THEMIS: variants seen among roughly 807,000 people sequenced by gnomAD.
THEMIS encodes protein THEMIS.
THEMIS carries 37 observed loss-of-function variants against 52.6 expected under a neutral mutation model. That is an observed-to-expected ratio of 0.70 (90% CI 0.54 to 0.93). THEMIS has a LOEUF of 0.93. Ranked by LOEUF, THEMIS falls within the 40% of genes least tolerant of loss-of-function variation. The pLI, the probability that THEMIS is intolerant of heterozygous loss-of-function variation, is 0.00. For synonymous variants in THEMIS, 292 were observed against 272.7 expected, an observed-to-expected ratio of 1.07 and a Z score of -0.70; for missense variants, 808 against 763.1, an observed-to-expected ratio of 1.06 and a Z score of -0.69.
intron 4 of THEMIS, among the ~76,000 whole-genome samples, chr6:127,805,362 G>A (rs1777665773): frequency 6.6e-6 from 1 of 152,028 alleles, no homozygotes; most frequent in African/African-American, 2.4e-5. Flanking sequence ...GTTAGATTCT[G>A]GACAAAGTGT....
chr6:127,893,864 C>T (rs909098489), intron 1 of THEMIS, among the ~76,000 whole-genome samples: 1 of 151,158 alleles, frequency 6.6e-6, no homozygotes, highest in African/African-American at 2.4e-5. Flanking sequence ...CCACATAAAA[C>T]AAAAAATAGA....
chr6:127,776,657 A>G (rs1042337255), intron 4 of THEMIS, among the ~76,000 whole-genome samples: 4 of 152,222 alleles, frequency 2.6e-5, no homozygotes, highest in Admixed American at 2.6e-4. Flanking sequence ...ACTCACAGAA[A>G]CTGTGCCATA....
intron 1 of THEMIS, among the ~76,000 whole-genome samples, chr6:127,897,732 G>T (rs1462876082): frequency 6.6e-6 from 1 of 151,434 alleles, no homozygotes; most frequent in Non-Finnish European, 1.5e-5. Flanking sequence ...CTTTTCATTA[G>T]CTTCCAAGGG....
At chr6:127,793,204 A>C (rs1381616743) in intron 4 of THEMIS, among the ~76,000 whole-genome samples, 6 of 152,206 alleles carry the variant, frequency 3.9e-5, no homozygotes, top group Admixed American at 6.5e-5. Flanking sequence ...ACAAGCAGAC[A>C]ATGGGTCCCA....
downstream of THEMIS, among the ~76,000 whole-genome samples, chr6:127,707,738 A>G (rs759495149): frequency 4.3e-4 from 65 of 152,112 alleles, no homozygotes; most frequent in Admixed American, 3.1e-3. Context: ...AGGCAACTTG[A>G]ACCAAGAACC....
intron 4 of THEMIS, among the ~76,000 whole-genome samples, chr6:127,780,432 G>A (rs1776705171): frequency 6.6e-6 from 1 of 152,194 alleles, no homozygotes; most frequent in Non-Finnish European, 1.5e-5. Flanking sequence ...ATTAGATCCT[G>A]TAATTATGAT....
chr6:127,882,363 C>T (rs146613409), intron 1 of THEMIS, among the ~76,000 whole-genome samples: 1 of 151,762 alleles, frequency 6.6e-6, no homozygotes, highest in East Asian at 1.9e-4. Flanking sequence ...ATTTTAGTGC[C>T]CAACCATATA....
intron 2 of THEMIS, among the ~76,000 whole-genome samples, chr6:127,840,353 A>C (rs1779004710): frequency 6.6e-6 from 1 of 152,134 alleles, no homozygotes; most frequent in South Asian, 2.1e-4. Context: ...TGCCTTGAAG[A>C]ATATTTAATG....
chr6:127,828,736 G>A (rs1182156606), intron 3 of THEMIS, among the ~76,000 whole-genome samples: 9 of 152,110 alleles, frequency 5.9e-5, no homozygotes, highest in African/African-American at 2.2e-4. Context: ...GGCCGATCAC[G>A]AGGTCAAGAG....
At chr6:127,730,435 G>A (rs1312893099) in intron 4 of THEMIS, among the ~76,000 whole-genome samples, 1 of 137,184 alleles carries the variant, frequency 7.3e-6, no homozygotes, top group Non-Finnish European at 1.5e-5. Flanking sequence ...GAGGGAGGCA[G>A]GAAGAGAACA....
At chr6:127,901,081 T>C, upstream of THEMIS, 1 of 662,160 alleles carries the variant, frequency 1.5e-6, no homozygotes. Flanking sequence ...GTGGAGTAGC[T>C]CTATGTGGGG....
At chr6:127,902,324 C>CAAAAAAAA (rs35320887), upstream of THEMIS, among the ~76,000 whole-genome samples, 42 of 109,582 alleles carry the variant, frequency 3.8e-4, no homozygotes, top group Middle Eastern at 5.4e-3. Flanking sequence ...GACTCTGTCT[C>CAAAAAAAA]AAAAAAAAAA....
Position 127,813,793 on chromosome 6 carries a change from A to G in THEMIS, c.848T>C (p.Ile283Thr), listed in dbSNP as rs1444953923. ...AGGTGCTTCTATGACTTCAGTCACT[A>G]TGGGGAACTCTTTACTAGTCATTTC... The part of the protein sequence containing the change: ...LFEMTSKEFP[I>T]VTEVIEAPEG... Residue 283 changes from isoleucine to threonine, a missense_variant, in exon 4 of 6, where the codon ATA becomes ACA. Coordinates refer to ENST00000368248, the MANE Select transcript of THEMIS (RefSeq NM_001010923.3). 7 of 1,614,034 alleles carry G rather than the reference A, an allele frequency of 4.3e-6. No homozygotes were observed. The highest frequency in any genetic ancestry group is 2.2e-5 in the South Asian group (2 of 91,066).
intron 4 of THEMIS, among the ~76,000 whole-genome samples, chr6:127,740,668 T>C (rs963379602): frequency 6.6e-6 from 1 of 152,158 alleles, no homozygotes; most frequent in Non-Finnish European, 1.5e-5. Flanking sequence ...ATAAAGCTAG[T>C]ATGTGCTTAC....
intron 4 of THEMIS, among the ~76,000 whole-genome samples, chr6:127,730,868 G>A (rs759672238): frequency 2.0e-5 from 3 of 152,204 alleles, no homozygotes; most frequent in Non-Finnish European, 2.9e-5. Context: ...TATCCTGGAT[G>A]AGGTAGGCAA....
intron 1 of THEMIS, among the ~76,000 whole-genome samples, chr6:127,879,117 G>A (rs900162520): frequency 1.3e-5 from 2 of 152,124 alleles, no homozygotes; most frequent in African/African-American, 4.8e-5. Flanking sequence ...TCAAAAGAAT[G>A]CTATTTCTAA....
At chr6:127,711,064 CT>C (rs973754468) in intron 5 of THEMIS, among the ~76,000 whole-genome samples, 3 of 145,782 alleles carry the variant, frequency 2.1e-5, no homozygotes, top group South Asian at 2.2e-4. Flanking sequence ...TCACTTTCTT[CT>C]TTTTTTTCTT....
chr6:127,875,187 A>G (rs1461164722), intron 1 of THEMIS, among the ~76,000 whole-genome samples: 5 of 152,274 alleles, frequency 3.3e-5, no homozygotes, highest in African/African-American at 4.8e-5. Flanking sequence ...GAACCACTGG[A>G]GTAAAAGATA....
chr6:127,832,079 CAT>C (rs1225966214), intron 2 of THEMIS, among the ~76,000 whole-genome samples: 1 of 152,092 alleles, frequency 6.6e-6, no homozygotes, highest in Non-Finnish European at 1.5e-5. Context: ...GGTAGAGACA[CAT>C]AGTTTTATTT....
Sources: gnomAD v4.1 joint callset for allele counts (sites outside exome capture counted in the v4.1 genomes callset) on GRCh38, gnomAD v4.1.1 for gene constraint, MANE v1.5 for transcripts, NCBI Gene and HGNC (gene_info 2026-07-23, HGNC 2026-07-21) for gene names.